Variants in DLGAP1 observed in about 807,000 individuals in gnomAD.
DLGAP1 encodes disks large-associated protein 1.
Under a neutral mutation model 90.8 loss-of-function variants are expected in DLGAP1, and 11 were observed. That is an observed-to-expected ratio of 0.12 (90% CI 0.08 to 0.20). DLGAP1 has a LOEUF of 0.20. DLGAP1 is among the 10% of genes least tolerant of loss of function. DLGAP1 has a pLI of 1.00. For missense variants in DLGAP1, 1,050 were observed against 1,333.8 expected (o/e 0.79, Z 3.31); for synonymous variants, 558 against 540.7 (o/e 1.03, Z -0.44).
At chr18:3,985,271 T>G (rs529244594) in intron 3 of DLGAP1, among the ~76,000 whole-genome samples, 2 of 152,342 alleles carry the variant, frequency 1.3e-5, no homozygotes, top group African/African-American at 4.8e-5. Context: ...AGTTTCATTT[T>G]AAAGTCTTTT....
intron 3 of DLGAP1, among the ~76,000 whole-genome samples, chr18:3,904,331 G>A (rs181695277): frequency 5.3e-5 from 8 of 152,334 alleles, no homozygotes; most frequent in East Asian, 1.9e-4. Flanking sequence ...CAATAGTGGC[G>A]ATGTGGTAGG....
At chr18:4,081,239 C>A (rs796517689) in intron 2 of DLGAP1, among the ~76,000 whole-genome samples, 2 of 150,526 alleles carry the variant, frequency 1.3e-5, no homozygotes, top group African/African-American at 4.9e-5. Context: ...TGCTTGAACC[C>A]AGGCGGCGGA....
rs1490456556 is a variant in DLGAP1 at position 3,551,677 on chromosome 18, C to A, written c.2057+15813G>T. On this transcript the variant is annotated intron_variant, in intron 9 of 12. Transcript: ENST00000315677. ...CTTTGTCTCTTTCCTTCTTTCTTTT[C>A]CCTCCCCTCCCTCCCTCCCTCCCTC... is the stretch of plus-strand genomic sequence containing the variant. 2.0e-3 allele frequency among the ~76,000 whole-genome samples: 2 copies of A among 996 alleles called. 1 individual carries two copies. The highest frequency in any genetic ancestry group is 4.0e-3 in the African/African-American group (2 of 498). The allele number at this position is 996 out of a possible 152,430, so 0.7% of individuals were successfully genotyped here. A position where few individuals can be genotyped will look rare whatever the true frequency, so the allele number is the denominator to read the frequency against.
At chr18:3,531,096 T>C (rs1023625859) in intron 10 of DLGAP1, among the ~76,000 whole-genome samples, 4 of 152,160 alleles carry the variant, frequency 2.6e-5, no homozygotes, top group African/African-American at 9.7e-5. Flanking sequence ...GTTTGGTGCA[T>C]TTAGTAAATG....
At chr18:4,061,306 T>A (rs1257050519) in intron 2 of DLGAP1, among the ~76,000 whole-genome samples, 1 of 152,200 alleles carries the variant, frequency 6.6e-6, no homozygotes, top group African/African-American at 2.4e-5. Context: ...TTTAGAGGGT[T>A]AAAGGATTGT....
intron 1 of DLGAP1, among the ~76,000 whole-genome samples, chr18:4,392,900 T>C (rs562938256): frequency 6.6e-6 from 1 of 152,240 alleles, no homozygotes; most frequent in Non-Finnish European, 1.5e-5. Flanking sequence ...CGGCCAACCA[T>C]TCCAACCAGA....
chr18:3,587,027 C>T (rs1056571046), intron 7 of DLGAP1, among the ~76,000 whole-genome samples: 2 of 152,224 alleles, frequency 1.3e-5, no homozygotes, highest in African/African-American at 4.8e-5. Flanking sequence ...AGTTTCTATA[C>T]AGTAAGTGAA....
At chr18:4,302,182 G>A (rs2080141587) in intron 1 of DLGAP1, among the ~76,000 whole-genome samples, 1 of 152,074 alleles carries the variant, frequency 6.6e-6, no homozygotes, top group South Asian at 2.1e-4. Context: ...TTTGTTGCCT[G>A]CATTTTTGGA....
intron 10 of DLGAP1, among the ~76,000 whole-genome samples, chr18:3,532,495 T>C (rs2052075674): frequency 6.6e-6 from 1 of 151,614 alleles, no homozygotes; most frequent in Admixed American, 6.6e-5. Context: ...GGAGAATCAC[T>C]TGAACCCTGG....
At chr18:4,057,131 A>T (rs1598320477) in intron 2 of DLGAP1, among the ~76,000 whole-genome samples, 1 of 151,590 alleles carries the variant, frequency 6.6e-6, no homozygotes, top group South Asian at 2.1e-4. Context: ...ATGTCAGGTG[A>T]CCATCAGGTG....
At chr18:4,168,712 A>T (rs1002423579) in intron 1 of DLGAP1, among the ~76,000 whole-genome samples, 1 of 152,176 alleles carries the variant, frequency 6.6e-6, no homozygotes, top group Non-Finnish European at 1.5e-5. Context: ...ATCCATATTT[A>T]AACATGTATC....
At chr18:3,744,658 G>A (rs1342136026) in intron 5 of DLGAP1, among the ~76,000 whole-genome samples, 1 of 152,116 alleles carries the variant, frequency 6.6e-6, no homozygotes, top group Non-Finnish European at 1.5e-5. Flanking sequence ...TGATTCTCCT[G>A]CCTTAGCCTC....
chr18:4,304,733 C>A (rs898578416), intron 1 of DLGAP1, among the ~76,000 whole-genome samples: 7 of 152,134 alleles, frequency 4.6e-5, no homozygotes, highest in African/African-American at 1.7e-4. Flanking sequence ...GAGTTCGAGA[C>A]CAGCCTGGCC....
chr18:4,235,985 C>G (rs1259922078), intron 1 of DLGAP1, among the ~76,000 whole-genome samples: 1 of 152,028 alleles, frequency 6.6e-6, no homozygotes, highest in Non-Finnish European at 1.5e-5. Flanking sequence ...CTTAGCCTTC[C>G]AAAGTGCTGG....
At chr18:4,124,082 C>T (rs2076195964) in intron 2 of DLGAP1, among the ~76,000 whole-genome samples, 1 of 152,138 alleles carries the variant, frequency 6.6e-6, no homozygotes, top group South Asian at 2.1e-4. Context: ...ACTAAGGCTC[C>T]CCACATAATT....
At chr18:4,024,963 C>G (rs960657408) in intron 2 of DLGAP1, among the ~76,000 whole-genome samples, 1 of 152,134 alleles carries the variant, frequency 6.6e-6, no homozygotes, top group Non-Finnish European at 1.5e-5. Flanking sequence ...AGGGACCAGG[C>G]AGAGAGCAGG....
intron 4 of DLGAP1, among the ~76,000 whole-genome samples, chr18:3,837,373 G>A (rs1460843757): frequency 6.6e-6 from 1 of 152,076 alleles, no homozygotes; most frequent in Non-Finnish European, 1.5e-5. Context: ...TTTGTATATG[G>A]TTTTAGACTC....
intron 3 of DLGAP1, among the ~76,000 whole-genome samples, chr18:3,902,049 A>G (rs1467024329): frequency 6.6e-6 from 1 of 152,230 alleles, no homozygotes; most frequent in Non-Finnish European, 1.5e-5. Flanking sequence ...GTAGCTGCCT[A>G]GAGCACAGAA....
intron 7 of DLGAP1, among the ~76,000 whole-genome samples, chr18:3,701,690 CTGTT>C (rs1325624206): frequency 6.6e-6 from 1 of 152,148 alleles, no homozygotes; most frequent in Non-Finnish European, 1.5e-5. Context: ...GTCCAGGAGA[CTGTT>C]TGGACTTTGG....
Sources: allele counts gnomAD v4.1 joint callset (sites outside exome capture counted in the v4.1 genomes callset), GRCh38; gene constraint gnomAD v4.1.1; transcripts MANE v1.5; gene names NCBI Gene and HGNC (gene_info 2026-07-23, HGNC 2026-07-21).